The following CHRM3 variants were observed in gnomAD, a reference collection of about 807,000 sequenced individuals.
CHRM3 encodes the protein muscarinic acetylcholine receptor M3.
Under a neutral mutation model 41.8 loss-of-function variants are expected in CHRM3, and 11 were observed. The observed-to-expected ratio is 0.26, with a 90% CI of 0.17 to 0.44. CHRM3 has a LOEUF of 0.44. CHRM3 is among the 20% of genes least tolerant of loss of function. The pLI is 1.00. For missense variants in CHRM3, 571 were observed against 745.4 expected (o/e 0.77, Z 2.72); for synonymous variants, 297 against 301.4 (o/e 0.99, Z 0.15).
At position 239,748,238 on chromosome 1, in the gene CHRM3, G is replaced by A. The variant is rs1016689899; in HGVS notation, c.-147+69950G>A. Among the ~76,000 whole-genome samples, 2 of 152,116 alleles carry A rather than the reference G, an allele frequency of 1.3e-5. No individual in the cohort carries two copies. Among genetic ancestry groups the A allele is most frequent in the Non-Finnish European group, 1.5e-5 (1 of 68,026 alleles). On this transcript the variant is annotated intron_variant, in intron 5 of 6. Coordinates refer to ENST00000676153, the MANE Select transcript of CHRM3 (RefSeq NM_001375978.1). The surrounding 1 kb of genome is among the most constrained non-coding windows in gnomAD (Gnocchi z 4.3). Reference sequence around the variant, plus strand: ...ACTAATTGAAGATGTATTGTATATCGTTAAATAACTGCTTTTTATCATTAA... The same window carrying A: ...ACTAATTGAAGATGTATTGTATATCATTAAATAACTGCTTTTTATCATTAA...
chr1:239,486,609 T>G (rs2148033757), intron 1 of CHRM3, among the ~76,000 whole-genome samples: 1 of 152,354 alleles, frequency 6.6e-6, no homozygotes, highest in South Asian at 2.1e-4. Flanking sequence ...TCTGTGGTTG[T>G]AATGTGAAAG....
chr1:239,742,882 G>A (rs1664982744), intron 5 of CHRM3, among the ~76,000 whole-genome samples: 1 of 152,118 alleles, frequency 6.6e-6, no homozygotes, highest in South Asian at 2.1e-4. Flanking sequence ...AAATATTTCT[G>A]TTTTCCATTT....
intron 3 of CHRM3, among the ~76,000 whole-genome samples, chr1:239,575,070 G>A (rs373244859): frequency 2.0e-5 from 3 of 152,166 alleles, no homozygotes; most frequent in Admixed American, 6.5e-5. Flanking sequence ...AAATAAATAT[G>A]TTGGTAGAGA....
chr1:239,697,073 A>T (rs1367003536), intron 5 of CHRM3, among the ~76,000 whole-genome samples: 2 of 152,186 alleles, frequency 1.3e-5, no homozygotes, highest in African/African-American at 2.4e-5. Flanking sequence ...AATCTCCCAG[A>T]TTTCTTGTAA....
intron 1 of CHRM3, among the ~76,000 whole-genome samples, chr1:239,401,486 C>T (rs1659968208): frequency 6.6e-6 from 1 of 151,680 alleles, no homozygotes; most frequent in Non-Finnish European, 1.5e-5. Context: ...ATTCTTCTCT[C>T]TCTTTTTTCC....
At chr1:239,549,404 C>T (rs1659596659) in intron 3 of CHRM3, among the ~76,000 whole-genome samples, 3 of 150,620 alleles carry the variant, frequency 2.0e-5, no homozygotes, top group African/African-American at 7.3e-5. Context: ...AATCCCAGCA[C>T]TTTGGGAGGC....
intron 6 of CHRM3, among the ~76,000 whole-genome samples, chr1:239,886,872 A>G (rs1164927594): frequency 1.3e-5 from 2 of 152,180 alleles, no homozygotes; most frequent in Non-Finnish European, 2.9e-5. Flanking sequence ...ACAACCCTCC[A>G]TAAATGTTCC....
At chr1:239,570,414 C>A (rs118116798) in intron 3 of CHRM3, among the ~76,000 whole-genome samples, 4 of 152,106 alleles carry the variant, frequency 2.6e-5, no homozygotes, top group Non-Finnish European at 5.9e-5. Context: ...TGATAACCAA[C>A]GAATACAGTG....
intron 3 of CHRM3, among the ~76,000 whole-genome samples, chr1:239,597,067 C>G (rs566989717): frequency 6.6e-6 from 1 of 152,170 alleles, no homozygotes; most frequent in African/African-American, 2.4e-5. Flanking sequence ...ATAAAATAAA[C>G]ACAATTATGT....
intron 6 of CHRM3, among the ~76,000 whole-genome samples, chr1:239,886,906 C>T (rs539673011): frequency 1.2e-4 from 19 of 152,108 alleles, no homozygotes; most frequent in Non-Finnish European, 2.2e-4. Context: ...TTTATCAAAG[C>T]GACCTTTTCT....
At chr1:239,630,898 G>A (rs1409347035) in intron 3 of CHRM3, among the ~76,000 whole-genome samples, 1 of 152,074 alleles carries the variant, frequency 6.6e-6, no homozygotes, top group East Asian at 1.9e-4. Context: ...GGAGGGCCGG[G>A]GGAGGGCAGC....
intron 3 of CHRM3, among the ~76,000 whole-genome samples, chr1:239,607,425 A>G (rs1002933266): frequency 1.6e-4 from 25 of 152,338 alleles, no homozygotes; most frequent in African/African-American, 6.0e-4. Context: ...TGAAACAACA[A>G]CTGTTTCTTA....
At chr1:239,761,224 G>A (rs543224816) in intron 5 of CHRM3, among the ~76,000 whole-genome samples, 9 of 152,116 alleles carry the variant, frequency 5.9e-5, no homozygotes, top group Non-Finnish European at 1.3e-4. Flanking sequence ...ATCTCTCGAC[G>A]TTTGATGTGG....
At position 239,521,187 on chromosome 1, in the gene CHRM3, T is replaced by C. The variant is rs191693508; in HGVS notation, c.-421-24454T>C. Among the ~76,000 whole-genome samples, 16 of 152,364 alleles carry C rather than the reference T, an allele frequency of 1.1e-4. No individual in the cohort carries two copies. In the East Asian group the frequency reaches 3.1e-3, roughly 29 times the overall value. On this transcript the variant is annotated intron_variant, in intron 2 of 6. Transcript: ENST00000676153. ...TGCAGCAAACCTAGACTTCAACTAT[T>C]AGCCAAAGGCTAAAGATGCTCCTTT...
intron 1 of CHRM3, among the ~76,000 whole-genome samples, chr1:239,393,977 G>T (rs1159660636): frequency 6.6e-6 from 1 of 151,978 alleles, no homozygotes. Context: ...ATTTACATAG[G>T]TGTTGTATAT....
At chr1:239,642,539 T>C (rs910323054) in intron 4 of CHRM3, among the ~76,000 whole-genome samples, 1 of 152,216 alleles carries the variant, frequency 6.6e-6, no homozygotes, top group African/African-American at 2.4e-5. Flanking sequence ...CTGATACCTC[T>C]TCTTCCAGTT....
intron 2 of CHRM3, among the ~76,000 whole-genome samples, chr1:239,537,836 CAGAT>C (rs1658355765): frequency 6.6e-6 from 1 of 152,158 alleles, no homozygotes; most frequent in Non-Finnish European, 1.5e-5. Flanking sequence ...ATTAAAGAAT[CAGAT>C]AGATTAAGAT....
chr1:239,674,238 G>T (rs1180532604), intron 4 of CHRM3, among the ~76,000 whole-genome samples: 1 of 152,054 alleles, frequency 6.6e-6, no homozygotes, highest in Non-Finnish European at 1.5e-5. Context: ...TATATTTAAG[G>T]ACTCTTAATA....
intron 1 of CHRM3, among the ~76,000 whole-genome samples, chr1:239,443,394 C>T (rs1223776676): frequency 6.6e-6 from 1 of 151,098 alleles, no homozygotes; most frequent in African/African-American, 2.4e-5. Flanking sequence ...GTCACGAATG[C>T]AAAATTGATA....
Sources: gnomAD v4.1 joint callset for allele counts (sites outside exome capture counted in the v4.1 genomes callset) on GRCh38, gnomAD v4.1.1 for gene constraint, Gnocchi (gnomAD v3.1) non-coding constraint, MANE v1.5 for transcripts, NCBI Gene and HGNC (gene_info 2026-07-23, HGNC 2026-07-21) for gene names.